BTNL2: variants seen among roughly 807,000 people sequenced by gnomAD.
BTNL2 encodes the protein butyrophilin-like protein 2.
Under a neutral mutation model 46.8 loss-of-function variants are expected in BTNL2, and 46 were observed. The ratio of observed to expected loss-of-function variants is 0.98; its 90% CI spans 0.78 to 1.26. The LOEUF (loss-of-function observed/expected upper bound fraction) is 1.26. BTNL2 is among the 50% of genes most tolerant of loss of function. BTNL2 has a pLI of 0.00. For missense variants in BTNL2, 461 were observed against 592.6 expected (o/e 0.78, Z 2.31); for synonymous variants, 226 against 229.1 (o/e 0.99, Z 0.12).
At position 32,396,417 on chromosome 6, in the gene BTNL2, A is replaced by G; in HGVS notation, c.731-31T>C. 1.3e-6 allele frequency: 2 copies of G among 1,572,638 alleles called. No individual in the cohort carries two copies. Among genetic ancestry groups the G allele is most frequent in the Non-Finnish European group, 1.7e-6 (2 of 1,149,812 alleles). ...AAATAGAGTGGACAAAACACAATGA[A>G]AGAATCAAAATGGAACCAATAATGT... On this transcript the variant is annotated intron_variant, in intron 4 of 7. Coordinates refer to ENST00000454136, the MANE Select transcript of BTNL2 (RefSeq NM_001304561.2). The surrounding 1 kb of genome is among the most constrained non-coding windows in gnomAD (Gnocchi z 4.4).
At chr6:32,398,961 A>G (rs1228043597) in intron 4 of BTNL2, among the ~76,000 whole-genome samples, 2 of 152,076 alleles carry the variant, frequency 1.3e-5, no homozygotes. Flanking sequence ...GTACATGTGC[A>G]GGATGTGCAG....
rs756107336 is a variant in BTNL2 at position 32,394,055 on chromosome 6, A to C, written c.1363T>G (p.Ser455Ala). Reference sequence around the variant, plus strand: ...GTTTTCCACAAAAACGTCATCCTGGACTCTAAAATGGAAACCCAAGAATCC... The same window carrying C: ...GTTTTCCACAAAAACGTCATCCTGGCCTCTAAAATGGAAACCCAAGAATCC... The part of the protein sequence containing the change: ...EKIATFSLSE[S>A]RMTFLWKTLL... The change falls in exon 7 of 8, where the codon TCC (serine) becomes GCC (alanine). Residue 455 changes from serine (S) to alanine (A), a missense_variant and splice_region_variant. By Grantham distance (99) the Ser-to-Ala change is moderately conservative. Transcript: ENST00000454136. This position sits in a 1 kb window ranked among gnomAD's most constrained non-coding sequence, Gnocchi z 4.6. 1 of 1,549,932 alleles carries C rather than the reference A, an allele frequency of 6.5e-7. No homozygotes were observed. Among genetic ancestry groups the C allele is most frequent in the South Asian group, 1.2e-5 (1 of 84,044 alleles).
In BTNL2 at chr6:32,403,153, C is replaced by G. The variant is rs1384324966; in HGVS notation, c.491G>C (p.Cys164Ser). Reference protein sequence around the residue: ...GPGESGVQLVCTARGWFPEPQ... With the variant: ...GPGESGVQLVSTARGWFPEPQ... Reference sequence around the variant, plus strand: ...CTCTGGGAACCAGCCCCTTGCAGTGCACACAAGCTGGACTCCACTCTCCCC... The same window carrying G: ...CTCTGGGAACCAGCCCCTTGCAGTGGACACAAGCTGGACTCCACTCTCCCC... The change falls in exon 3 of 8, where the codon TGC (cysteine) becomes TCC (serine). Residue 164 changes from cysteine to serine, a missense_variant. Transcript: ENST00000454136. 6.2e-7 allele frequency: 1 copy of G among 1,612,694 alleles called. No individual in the cohort carries two copies. Among genetic ancestry groups the G allele is most frequent in the East Asian group, 2.2e-5 (1 of 44,850 alleles).
chr6:32,398,853 C>A (rs1252868434), intron 4 of BTNL2, among the ~76,000 whole-genome samples: 1 of 152,176 alleles, frequency 6.6e-6, no homozygotes, highest in Non-Finnish European at 1.5e-5. Context: ...AATCATGCAG[C>A]CCTGTTTGTT....
In BTNL2 at chr6:32,403,061, C is replaced by A. The variant is rs771906627; in HGVS notation, c.583G>T (p.Asp195Tyr). 12 of 1,612,780 alleles carry A rather than the reference C, an allele frequency of 7.4e-6. No individual in the cohort carries two copies. The highest frequency in any genetic ancestry group is 1.0e-5 in the Non-Finnish European group (12 of 1,179,934). The change falls in exon 3 of 8, where the codon GAT becomes TAT. Residue 195 changes from aspartate to tyrosine, a missense_variant. Asp to Tyr is a radical substitution (Grantham distance 160, BLOSUM62 -3). Coordinates refer to ENST00000454136, the MANE Select transcript of BTNL2 (RefSeq NM_001304561.2). Reference sequence around the variant, plus strand: ...TCCGCATAGAACAGGCCATCTTTATCTTGGATGCGATGCTCAGACACGGCC... The same window carrying A: ...TCCGCATAGAACAGGCCATCTTTATATTGGATGCGATGCTCAGACACGGCC... ...LLAVSEHRIQ[D>Y]KDGLFYAEAT... is the part of the protein sequence containing the mutation.
chr6:32,406,368 C>CA (rs1205833251), intron 1 of BTNL2: 2 of 152,152 alleles, frequency 1.3e-5, no homozygotes, highest in African/African-American at 4.8e-5. Context: ...AAGGCAGACA[C>CA]ACCAGCTCTG....
rs2127702376 is a variant in BTNL2, at chr6:32,394,729, T to C, written c.1360+15A>G. On this transcript the variant is annotated intron_variant, in intron 6 of 7. Transcript: ENST00000454136. The surrounding 1 kb of genome is among the most constrained non-coding windows in gnomAD (Gnocchi z 4.6). ...TTTATTTTCCAAACCTGAAGGAACATAAGGAATCACCAACCTGAGAGAGAA... is the reference window on the plus strand; with the variant it reads ...TTTATTTTCCAAACCTGAAGGAACACAAGGAATCACCAACCTGAGAGAGAA... 1 of 1,605,954 alleles carries C rather than the reference T, an allele frequency of 6.2e-7. No individual in the cohort carries two copies. Among genetic ancestry groups the C allele is most frequent in the Non-Finnish European group, 8.5e-7 (1 of 1,174,362 alleles).
intron 4 of BTNL2, among the ~76,000 whole-genome samples, chr6:32,397,039 CT>C (rs28359861): frequency 6.6e-6 from 1 of 152,078 alleles, no homozygotes; most frequent in African/African-American, 2.4e-5. Context: ...CCCCAGATGC[CT>C]CTGTACCTGA....
At chr6:32,402,247 A>G (rs866258328) in intron 3 of BTNL2, among the ~76,000 whole-genome samples, 3 of 152,194 alleles carry the variant, frequency 2.0e-5, no homozygotes, top group Non-Finnish European at 4.4e-5. Context: ...TTTTTAATCT[A>G]TCCATTTATA....
At chr6:32,405,825 T>TGTTTG (rs1777113182) in intron 1 of BTNL2, among the ~76,000 whole-genome samples, 2 of 141,296 alleles carry the variant, frequency 1.4e-5, no homozygotes. Flanking sequence ...TTTGTTTTTT[T>TGTTTG]TTTGTTTGTT....
At position 32,394,060 on chromosome 6, in the gene BTNL2, A is replaced by G. The variant is rs1042983080; in HGVS notation, c.1361-3T>C. ...CCACAAAAACGTCATCCTGGACTCTAAAATGGAAACCCAAGAATCCCTTGA... is the reference window on the plus strand; with the variant it reads ...CCACAAAAACGTCATCCTGGACTCTGAAATGGAAACCCAAGAATCCCTTGA... On this transcript the variant is annotated splice_region_variant and splice_polypyrimidine_tract_variant and intron_variant, in intron 6 of 7. Transcript: ENST00000454136. This position sits in a 1 kb window ranked among gnomAD's most constrained non-coding sequence, Gnocchi z 4.6. The G allele has an allele frequency of 2.5e-5, 39 of 1,549,802 alleles. 1 individual carries two copies. Among genetic ancestry groups the G allele is most frequent in the Middle Eastern group, 3.3e-4 (2 of 6,014 alleles).
chr6:32,400,745 T>TAAAAAAA, intron 4 of BTNL2, among the ~76,000 whole-genome samples: 1 of 82,142 alleles, frequency 1.2e-5, no homozygotes, highest in Non-Finnish European at 2.6e-5. Context: ...CCGTCTCTAC[T>TAAAAAAA]AAAAAAAAAA....
chr6:32,394,844 C>T lies in BTNL2; in HGVS notation c.1260G>A (p.Gln420=). The T allele has an allele frequency of 6.2e-7, 1 of 1,614,212 alleles. No homozygotes were observed. Among genetic ancestry groups the T allele is most frequent in the Non-Finnish European group, 8.5e-7 (1 of 1,180,040 alleles). The part of the protein sequence containing the change: ...TQGSHGLFHV[Q]TLLRVTNISA... ...AGATGTTTGTGACCCTTAGCAATGT[C>T]TGCACGTGGAACAGCCCGTGGCTGC... Residue 420 remains glutamine, a synonymous_variant, in exon 6 of 8, where the codon CAG becomes CAA. Transcript: ENST00000454136. This position sits in a 1 kb window ranked among gnomAD's most constrained non-coding sequence, Gnocchi z 4.6.
chr6:32,396,455 C>G lies in BTNL2; in HGVS notation c.731-69G>C, dbSNP rs141657475. ...GAACCAATAATGTCATCTCTAAGAA[C>G]AGCTCCATTGGAGTTTAGAAACCAT... On this transcript the variant is annotated intron_variant, in intron 4 of 7. Coordinates refer to ENST00000454136, the MANE Select transcript of BTNL2 (RefSeq NM_001304561.2). The surrounding 1 kb of genome is among the most constrained non-coding windows in gnomAD (Gnocchi z 4.4). 14 of 1,422,258 alleles carry G rather than the reference C, an allele frequency of 9.8e-6. No homozygotes were observed. The highest frequency in any genetic ancestry group is 1.3e-5 in the Non-Finnish European group (13 of 1,035,704). The allele number at this position is 1,422,258 out of a possible 1,614,324, so 88.1% of individuals were successfully genotyped here.
rs1777049219 is a variant in BTNL2 at position 32,405,179 on chromosome 6, C to G, written c.187G>C (p.Val63Leu). Residue 63 changes from valine to leucine, a missense_variant, in exon 2 of 8, where the codon GTG (valine) becomes CTG (leucine). Coordinates refer to ENST00000454136, the MANE Select transcript of BTNL2 (RefSeq NM_001304561.2). ...CTGGGCTCTGAGCGGTACCACCTCA[C>G]CTCCACGTGCATTGTGGTCCTCTTG... Reference protein sequence around the residue: ...LPKRTTMHVEVRWYRSEPSTP... With the variant: ...LPKRTTMHVELRWYRSEPSTP... The G allele has an allele frequency of 1.9e-6, 3 of 1,613,092 alleles. No homozygotes were observed. The highest frequency in any genetic ancestry group is 2.5e-6 in the Non-Finnish European group (3 of 1,180,036).
In BTNL2 at chr6:32,399,319, C is replaced by A. The variant is rs1388770492; in HGVS notation, c.730+2466G>T. Among the ~76,000 whole-genome samples, 3 of 152,196 alleles carry A rather than the reference C, an allele frequency of 2.0e-5. No individual in the cohort carries two copies. In the East Asian group the frequency reaches 5.8e-4, roughly 29 times the overall value. On this transcript the variant is annotated intron_variant, in intron 4 of 7. Transcript: ENST00000454136. The surrounding 1 kb of genome is among the most constrained non-coding windows in gnomAD (Gnocchi z 5.2). ...TATCCACTGAAAAATTAATTCCCTT[C>A]TGGAGCGTGAAGTACACTGAATTAT...
rs1005448533 is a variant in BTNL2, at chr6:32,394,742, A to G, written c.1360+2T>C. On this transcript the variant is annotated splice_donor_variant, in intron 6 of 7. Transcript: ENST00000454136. LOFTEE classifies it high-confidence loss of function. The surrounding 1 kb of genome is among the most constrained non-coding windows in gnomAD (Gnocchi z 4.6). ...CCTGAAGGAACATAAGGAATCACCA[A>G]CCTGAGAGAGAAAAAGTTGCGATTT... 6.2e-7 allele frequency: 1 copy of G among 1,610,978 alleles called. No individual in the cohort carries two copies.
chr6:32,404,138 C>T (rs3793127), intron 2 of BTNL2, among the ~76,000 whole-genome samples: 26,576 of 152,116 alleles, frequency 0.17, 2,508 homozygotes, highest in Non-Finnish European at 0.21. Flanking sequence ...GAAACAGCCT[C>T]CCAGGGAAGT....
At position 32,396,816 on chromosome 6, in the gene BTNL2, AC is replaced by A. The variant is rs1484632682; in HGVS notation, c.731-431del. On this transcript the variant is annotated intron_variant, in intron 4 of 7. Transcript: ENST00000454136. This position sits in a 1 kb window ranked among gnomAD's most constrained non-coding sequence, Gnocchi z 4.4. ...GCCAACATGGTGAAACCCCGTCTCT[AC>A]AGAAATACAAAAATTAGTCGGGCAT... Among the ~76,000 whole-genome samples, 1,782 of 152,048 alleles carry A rather than the reference AC, an allele frequency of 0.012. 62 individuals are homozygous for A. Among genetic ancestry groups the A allele is most frequent in the East Asian group, 0.1 (530 of 5,108 alleles).
Sources: allele counts gnomAD v4.1 joint callset (sites outside exome capture counted in the v4.1 genomes callset), GRCh38; gene constraint gnomAD v4.1.1; non-coding constraint Gnocchi (gnomAD v3.1); transcripts MANE v1.5; gene names NCBI Gene and HGNC (gene_info 2026-07-23, HGNC 2026-07-21).